Variants in PSD3 observed in about 807,000 individuals in gnomAD.
PSD3 encodes PH and SEC7 domain-containing protein 3.
PSD3 carries 49 observed loss-of-function variants against 105.5 expected under a neutral mutation model. The ratio of observed to expected loss-of-function variants is 0.46; its 90% CI spans 0.37 to 0.59. The LOEUF (loss-of-function observed/expected upper bound fraction) is 0.59. PSD3 is among the 20% of genes least tolerant of loss of function. PSD3 has a pLI of 0.00. For missense variants in PSD3, 1,561 were observed against 1,263.8 expected (o/e 1.24, Z -3.57); for synonymous variants, 557 against 457.8 (o/e 1.22, Z -2.77).
chr8:18,686,611 A>G (rs1386104063), intron 9 of PSD3, among the ~76,000 whole-genome samples: 1 of 152,136 alleles, frequency 6.6e-6, no homozygotes. Context: ...TACCTGAAAA[A>G]GCTGTACAGA....
At chr8:18,978,669 C>A (rs1825085261) in intron 1 of PSD3, among the ~76,000 whole-genome samples, 1 of 152,100 alleles carries the variant, frequency 6.6e-6, no homozygotes, top group African/African-American at 2.4e-5. Flanking sequence ...TGTTCCCACA[C>A]CTCAACCACT....
intron 2 of PSD3, among the ~76,000 whole-genome samples, chr8:18,897,372 G>A (rs1408765776): frequency 6.6e-6 from 1 of 152,106 alleles, no homozygotes; most frequent in Non-Finnish European, 1.5e-5. Context: ...ATTGGTCTGT[G>A]TATCTGTTTT....
chr8:18,708,308 G>A (rs1433457363), intron 9 of PSD3, among the ~76,000 whole-genome samples: 1 of 152,136 alleles, frequency 6.6e-6, no homozygotes, highest in Non-Finnish European at 1.5e-5. Flanking sequence ...GTATGGAAGG[G>A]CCAAATAAGA....
chr8:18,645,646 C>T (rs1050285461), intron 10 of PSD3, among the ~76,000 whole-genome samples: 2 of 151,924 alleles, frequency 1.3e-5, no homozygotes, highest in Admixed American at 6.6e-5. Context: ...TCCAGCGTGA[C>T]ACAGTATCTG....
chr8:18,871,713 A>C lies in PSD3; in HGVS notation c.1151T>G (p.Leu384Arg). 1 of 1,614,164 alleles carries C rather than the reference A, an allele frequency of 6.2e-7. No homozygotes were observed. Among genetic ancestry groups the C allele is most frequent in the Admixed American group, 1.7e-5 (1 of 60,024 alleles). Residue 384 changes from leucine to arginine, a missense_variant, in exon 3 of 16, where the codon CTT becomes CGT. Leu to Arg is a moderately radical substitution (Grantham distance 102). Transcript: ENST00000327040. The stretch of plus-strand genomic sequence containing the variant: ...GACTTCATCCTCTCCACTCTCATCA[A>C]GACGCACAGGGGAAAATGTCCCCGA... ...TSSGTFSPVR[L>R]DESGEDEVFL...
At chr8:18,834,931 T>C (rs902684569) in intron 4 of PSD3, among the ~76,000 whole-genome samples, 10 of 151,936 alleles carry the variant, frequency 6.6e-5, no homozygotes, top group Admixed American at 2.0e-4. Flanking sequence ...GAGCAAGCAA[T>C]TCGTAAAAAA....
At chr8:18,750,629 T>C (rs902009361) in intron 9 of PSD3, among the ~76,000 whole-genome samples, 1 of 152,162 alleles carries the variant, frequency 6.6e-6, no homozygotes, top group Admixed American at 6.5e-5. Flanking sequence ...TATTCTCTTA[T>C]CTGGCCCCAC....
intron 13 of PSD3, among the ~76,000 whole-genome samples, chr8:18,573,746 TGC>T (rs1802300607): frequency 6.6e-6 from 1 of 152,148 alleles, no homozygotes; most frequent in Non-Finnish European, 1.5e-5. Flanking sequence ...AGGGCAATAC[TGC>T]AGAGGCAGAA....
intron 8 of PSD3, among the ~76,000 whole-genome samples, chr8:18,791,441 T>C (rs1809708466): frequency 6.6e-6 from 1 of 152,182 alleles, no homozygotes; most frequent in South Asian, 2.1e-4. Context: ...TACAACCATC[T>C]GATCTTCAGC....
intron 2 of PSD3, among the ~76,000 whole-genome samples, chr8:18,914,379 A>T (rs1820447674): frequency 6.6e-6 from 1 of 152,156 alleles, no homozygotes; most frequent in South Asian, 2.1e-4. Flanking sequence ...GTAATTAAGC[A>T]AGAAAAAGAA....
intron 4 of PSD3, among the ~76,000 whole-genome samples, chr8:18,855,758 T>C (rs1815959833): frequency 6.6e-6 from 1 of 152,166 alleles, no homozygotes; most frequent in Admixed American, 6.5e-5. Context: ...CATCAGCAGC[T>C]CATGGTTACT....
intron 2 of PSD3, among the ~76,000 whole-genome samples, chr8:18,932,754 T>C (rs1018270665): frequency 5.9e-5 from 9 of 152,212 alleles, no homozygotes; most frequent in African/African-American, 2.2e-4. Context: ...TCTGAACTTA[T>C]CTCTCAGTGA....
chr8:18,984,192 A>AAATAATAATAAT (rs59486224), intron 1 of PSD3, among the ~76,000 whole-genome samples: 21,956 of 146,228 alleles, frequency 0.15, 1,807 homozygotes, highest in East Asian at 0.2. Flanking sequence ...CCTTCAATTA[A>AAATAATAATAAT]AATAATAATA....
chr8:18,557,112 T>A (rs574762964), intron 14 of PSD3, among the ~76,000 whole-genome samples: 1 of 152,240 alleles, frequency 6.6e-6, no homozygotes, highest in Non-Finnish European at 1.5e-5. Context: ...CAAAAAGATA[T>A]GTTACTGAAC....
At chr8:18,583,488 C>T (rs545832312) in intron 12 of PSD3, among the ~76,000 whole-genome samples, 1 of 152,280 alleles carries the variant, frequency 6.6e-6, no homozygotes, top group Admixed American at 6.5e-5. Context: ...ATAGCTCCAA[C>T]TGCTCTAAGA....
At chr8:18,833,990 G>A (rs779134764) in intron 4 of PSD3, among the ~76,000 whole-genome samples, 1 of 151,986 alleles carries the variant, frequency 6.6e-6, no homozygotes, top group Non-Finnish European at 1.5e-5. Flanking sequence ...AATTTATGAA[G>A]TAGCTAGGAA....
chr8:18,797,267 A>T (rs1586030257), intron 8 of PSD3, among the ~76,000 whole-genome samples: 2 of 152,302 alleles, frequency 1.3e-5, no homozygotes, highest in African/African-American at 2.4e-5. Flanking sequence ...TTATCACCAA[A>T]CACATGATCC....
At chr8:18,709,979 T>C (rs533623982) in intron 9 of PSD3, among the ~76,000 whole-genome samples, 40 of 152,292 alleles carry the variant, frequency 2.6e-4, no homozygotes, top group Non-Finnish European at 4.4e-4. Flanking sequence ...GGCACAGAAC[T>C]GGACTGAGCC....
chr8:18,774,804 C>T (rs1807881321), intron 8 of PSD3: 1 of 441,330 alleles, frequency 2.3e-6, no homozygotes, highest in South Asian at 1.6e-5. Flanking sequence ...GAATGTCGGG[C>T]ACCTGTCACT....
Sources: gnomAD v4.1 joint callset for allele counts (sites outside exome capture counted in the v4.1 genomes callset) on GRCh38, gnomAD v4.1.1 for gene constraint, MANE v1.5 for transcripts, NCBI Gene and HGNC (gene_info 2026-07-23, HGNC 2026-07-21) for gene names.